Variants in MUC5AC observed in about 807,000 individuals in gnomAD.
The protein encoded by MUC5AC is mucin 5AC, oligomeric mucus/gel-forming.
A neutral mutation model predicts 169.7 loss-of-function variants in MUC5AC; 158 were observed. The observed-to-expected ratio is 0.93, with a 90% CI of 0.82 to 1.06. The LOEUF (loss-of-function observed/expected upper bound fraction) is 1.06. Among genes scored for constraint, MUC5AC ranks in the 50% least tolerant of loss-of-function variants. MUC5AC has a pLI of 0.00. For missense variants in MUC5AC, 4,359 were observed against 3,089.9 expected, an observed-to-expected ratio of 1.41 and a Z score of -9.74; for synonymous variants, 1,975 against 1,237.0, an observed-to-expected ratio of 1.60 and a Z score of -12.52.
In MUC5AC at chr11:1,200,701, G is replaced by A; in HGVS notation, c.16964G>A (p.Ter5655=). The A allele has an allele frequency of 1.4e-6, 1 of 735,938 alleles. No individual in the cohort carries two copies. Among genetic ancestry groups the A allele is most frequent in the East Asian group, 2.5e-5 (1 of 40,656 alleles). The allele number at this position is 735,938 out of a possible 1,614,324, so 45.6% of individuals were successfully genotyped here. A position where few individuals can be genotyped will look rare whatever the true frequency, so the allele number is the denominator to read the frequency against. Residue 5655 remains the stop codon, a stop_retained_variant, in exon 49 of 49, where the codon TGA becomes TAA. Coordinates refer to ENST00000621226, the MANE Select transcript of MUC5AC (RefSeq NM_001304359.2). ...ERGVPVSPMH[*] ...GGCGTCCCAGTGTCCCCCATGCACT[G>A]ACCAGCACTGCCGCCCTCCTGACCT...
chr11:1,175,099 C>T lies in MUC5AC; in HGVS notation c.2310C>T (p.Ile770=). 2.5e-6 allele frequency: 1 copy of T among 399,496 alleles called. No homozygotes were observed. The highest frequency in any genetic ancestry group is 4.4e-6 in the Non-Finnish European group (1 of 226,624). 24.7% of individuals were successfully genotyped at this position (399,496 alleles called of 1,614,324 possible). ...NCPCYHRGSM[I]PNGESVHDSG... is the part of the protein sequence containing the mutation. ...CCTGCTACCACAGAGGCTCCATGAT[C>T]CCCAATGGGGAGTCGGTGCACGACA... Residue 770 remains isoleucine (I), a synonymous_variant, in exon 18 of 49, where the codon ATC becomes ATT. Transcript: ENST00000621226.
intron 1 of MUC5AC, 100 bp downstream of exon 1, chr11:1,158,172 A>G (rs1365128517): frequency 1.2e-5 from 13 of 1,111,170 alleles, no homozygotes; most frequent in Admixed American, 9.3e-5. Flanking sequence ...GGCAGGCTGC[A>G]TGTGCCATGA....
rs892171461 is a variant in MUC5AC at position 1,165,655 on chromosome 11, G to C, written c.1281G>C (p.Glu427Asp). 1 of 1,612,280 alleles carries C rather than the reference G, an allele frequency of 6.2e-7. No homozygotes were observed. The highest frequency in any genetic ancestry group is 8.5e-7 in the Non-Finnish European group (1 of 1,179,770). The change falls in exon 11 of 49, where the codon GAG becomes GAC. Residue 427 changes from glutamate to aspartate, a missense_variant. Coordinates refer to ENST00000621226, the MANE Select transcript of MUC5AC (RefSeq NM_001304359.2). The part of the protein sequence containing the change: ...TCSGGRWSCQ[E>D]VPCPGTCSVL... ...CCGGAGGCCGGTGGAGCTGCCAGGA[G>C]GTTCCATGCCCGGGTACCTGCTCTG...
In MUC5AC at chr11:1,187,393, G is replaced by A. The variant is rs1437243234; in HGVS notation, c.9248G>A (p.Ser3083Asn). ...TTSTTSAPTT[S>N]TTSAATTSTI... Reference sequence around the variant, plus strand: ...AGCACAACCTCTGCTCCTACAACCAGCACAACCTCTGCCGCTACAACCAGC... The same window carrying A: ...AGCACAACCTCTGCTCCTACAACCAACACAACCTCTGCCGCTACAACCAGC... Residue 3083 changes from serine (S) to asparagine (N), a missense_variant, in exon 31 of 49, where the codon AGC becomes AAC. By Grantham distance (46) the Ser-to-Asn change is conservative. Coordinates refer to ENST00000621226, the MANE Select transcript of MUC5AC (RefSeq NM_001304359.2). 2.6e-5 allele frequency: 19 copies of A among 740,056 alleles called. No homozygotes were observed. Among genetic ancestry groups the A allele is most frequent in the South Asian group, 2.1e-4 (15 of 70,944 alleles). 45.8% of individuals were successfully genotyped at this position (740,056 alleles called of 1,614,324 possible). A position where few individuals can be genotyped will look rare whatever the true frequency, so the allele number is the denominator to read the frequency against.
In MUC5AC at chr11:1,187,247, C is replaced by G. The variant is rs1258698418; in HGVS notation, c.9102C>G (p.Thr3034=). The stretch of plus-strand genomic sequence containing the variant: ...CCAGCACAACCTCTGCCCCTACAAC[C>G]AGCACAACCTCTACCCCTACAAGCA... ...PTTSTTSAPT[T]STTSTPTSST... Residue 3034 remains threonine (T), a synonymous_variant, in exon 31 of 49, where the codon ACC becomes ACG. Coordinates refer to ENST00000621226, the MANE Select transcript of MUC5AC (RefSeq NM_001304359.2). The G allele has an allele frequency of 2.3e-5, 16 of 695,572 alleles. No homozygotes were observed. Among genetic ancestry groups the G allele is most frequent in the Non-Finnish European group, 3.9e-5 (15 of 382,090 alleles). 43.1% of individuals were successfully genotyped at this position (695,572 alleles called of 1,614,324 possible).
intron 12 of MUC5AC, 142 bp from the exon 13 acceptor site, chr11:1,168,341 A>G: frequency 1.3e-6 from 1 of 758,006 alleles, no homozygotes; most frequent in East Asian, 2.7e-5. Flanking sequence ...TCAGAAAATC[A>G]GGCGAGCACA....
In MUC5AC at chr11:1,192,360, T is replaced by A. The variant is rs746969015; in HGVS notation, c.14215T>A (p.Tyr4739Asn). ...CTGCCCGGTGACCTCTGTGACCCCA[T>A]ATGGGACTTCTCCTACCAATGCTCT... ...RGCPVTSVTP[Y>N]GTSPTNALYP... The change falls in exon 31 of 49, where the codon TAT becomes AAT. Residue 4739 changes from tyrosine (Y) to asparagine (N), a missense_variant. Transcript: ENST00000621226. The A allele has an allele frequency of 1.0e-5, 8 of 764,946 alleles. No individual in the cohort carries two copies. Among genetic ancestry groups the A allele is most frequent in the African/African-American group, 6.8e-5 (4 of 59,126 alleles). The allele number at this position is 764,946 out of a possible 1,614,324, so 47.4% of individuals were successfully genotyped here. A position where few individuals can be genotyped will look rare whatever the true frequency, so the allele number is the denominator to read the frequency against.
In MUC5AC at chr11:1,176,982, C is replaced by T. The variant is rs36142159; in HGVS notation, c.2709C>T (p.Cys903=). 0.17 allele frequency: 67,863 copies of T among 399,118 alleles called. 6,492 individuals are homozygous for T. The highest frequency in any genetic ancestry group is 0.2 in the Non-Finnish European group (44,191 of 226,490). 24.7% of individuals were successfully genotyped at this position (399,118 alleles called of 1,614,324 possible). Residue 903 remains cysteine, a synonymous_variant, in exon 22 of 49, where the codon TGC becomes TGT. Transcript: ENST00000621226. The part of the protein sequence containing the change: ...RCTDDPCLAT[C]AVYGDGHYLT... ...CAGATGACCCCTGCCTGGCCACCTGCGCCGTGTACGGGGACGGCCACTACC... is the reference window on the plus strand; with the variant it reads ...CAGATGACCCCTGCCTGGCCACCTGTGCCGTGTACGGGGACGGCCACTACC...
Position 1,179,205 on chromosome 11 carries a change from T to G in MUC5AC, c.3441T>G (p.His1147Gln). 8 of 675,484 alleles carry G rather than the reference T, an allele frequency of 1.2e-5. No homozygotes were observed. The Admixed American group carries it at 1.7e-4, about 15-fold the overall frequency. The allele number at this position is 675,484 out of a possible 1,614,324, so 41.8% of individuals were successfully genotyped here. A position where few individuals can be genotyped will look rare whatever the true frequency, so the allele number is the denominator to read the frequency against. The stretch of plus-strand genomic sequence containing the variant: ...TGGCCGCCTACGCCCAGGCCTGCCA[T>G]GAAGTAGGCCTGTGTGTGTCCTGGC... ...TAVAAYAQAC[H>Q]EVGLCVSWRT... The change falls in exon 26 of 49, where the codon CAT (histidine) becomes CAG (glutamine). Residue 1147 changes from histidine to glutamine, a missense_variant. Transcript: ENST00000621226.
At position 1,177,505 on chromosome 11, in the gene MUC5AC, G is replaced by A. The variant is rs1473696262; in HGVS notation, c.2959G>A (p.Glu987Lys). 4 of 398,734 alleles carry A rather than the reference G, an allele frequency of 1.0e-5. No homozygotes were observed. Among genetic ancestry groups the A allele is most frequent in the East Asian group, 3.6e-5 (1 of 28,076 alleles). 24.7% of individuals were successfully genotyped at this position (398,734 alleles called of 1,614,324 possible). ...HGKVEVIGTD[E>K]SQEVPYTIRQ... ...GAAGGTGGAGGTGATCGGGACGGACGAGAGCCAGGAGGTGCCATACACCAT... is the reference window on the plus strand; with the variant it reads ...GAAGGTGGAGGTGATCGGGACGGACAAGAGCCAGGAGGTGCCATACACCAT... Residue 987 changes from glutamate (E) to lysine (K), a missense_variant, in exon 24 of 49, where the codon GAG becomes AAG. Physicochemically the swap from Glu to Lys is moderately conservative, Grantham distance 56 (BLOSUM62 1). Transcript: ENST00000621226.
intron 35 of MUC5AC, 117 bp from the exon 36 acceptor site, chr11:1,194,895 G>A: frequency 1.6e-6 from 1 of 627,120 alleles, no homozygotes; most frequent in African/African-American, 1.8e-5. Flanking sequence ...GCACAGGCAG[G>A]GCCCGCTGCA....
chr11:1,160,554 A>G, intron 1 of MUC5AC, 58 bp from the exon 2 acceptor site: 1 of 1,471,944 alleles, frequency 6.8e-7, no homozygotes, highest in Non-Finnish European at 9.3e-7. Flanking sequence ...CTGTGGCCGC[A>G]GCCTGAGCCC....
Position 1,187,474 on chromosome 11 carries a change from C to T in MUC5AC, c.9329C>T (p.Ser3110Phe). 4.1e-6 allele frequency: 3 copies of T among 733,890 alleles called. No individual in the cohort carries two copies. The South Asian group carries it at 4.3e-5, about 10-fold the overall frequency. 45.5% of individuals were successfully genotyped at this position (733,890 alleles called of 1,614,324 possible). ...TTSAPTTSTT[S>F]ASTASKTSGL... ...TCTGCTCCTACAACCAGCACAACCT[C>T]TGCCTCTACAGCCAGCAAAACCTCT... The change falls in exon 31 of 49, where the codon TCT (serine) becomes TTT (phenylalanine). Residue 3110 changes from serine (S) to phenylalanine (F), a missense_variant. Transcript: ENST00000621226.
At position 1,158,091 on chromosome 11, in the gene MUC5AC, C is replaced by CCGCT. The variant is rs1860012881; in HGVS notation, c.73+21_73+24dup. The CCGCT allele has an allele frequency of 1.3e-6, 2 of 1,584,610 alleles. No homozygotes were observed. The highest frequency in any genetic ancestry group is 2.3e-5 in the South Asian group (2 of 87,450). On this transcript the variant is annotated intron_variant, in intron 1 of 48. Coordinates refer to ENST00000621226, the MANE Select transcript of MUC5AC (RefSeq NM_001304359.2). ...CATACAGGTACGGCTTGGCCCCTGG[C>CCGCT]CGCTCTACTGGTCCTGGGTGGTGCG...
At position 1,199,594 on chromosome 11, in the gene MUC5AC, TG is replaced by T; in HGVS notation, c.16516-97del. 4 of 692,956 alleles carry T rather than the reference TG, an allele frequency of 5.8e-6. No individual in the cohort carries two copies. In the Middle Eastern group the frequency reaches 1.0e-3, roughly 173 times the overall value. The allele number at this position is 692,956 out of a possible 1,614,324, so 42.9% of individuals were successfully genotyped here. ...GCGCCAGCAGACACCCCCTCCTGCT[TG>T]GGGCTGTCCACTCCTGAGCCTGGCC... On this transcript the variant is annotated intron_variant, in intron 46 of 48. Coordinates refer to ENST00000621226, the MANE Select transcript of MUC5AC (RefSeq NM_001304359.2).
rs979613999 is a variant in MUC5AC, at chr11:1,175,044, C to A, written c.2255C>A (p.Thr752Lys). The A allele has an allele frequency of 2.5e-6, 1 of 401,156 alleles. No individual in the cohort carries two copies. Among genetic ancestry groups the A allele is most frequent in the Non-Finnish European group, 4.4e-6 (1 of 227,650 alleles). The allele number at this position is 401,156 out of a possible 1,614,324, so 24.8% of individuals were successfully genotyped here. The change falls in exon 18 of 49, where the codon ACG becomes AAG. Residue 752 changes from threonine (T) to lysine (K), a missense_variant. Physicochemically the swap from Thr to Lys is moderately conservative, Grantham distance 78 (BLOSUM62 -1). Transcript: ENST00000621226. ...CCCAAGGGCACCTTCCTGGACGACA[C>A]GGGCAAGTGTGTGCAGGCCAGCAAC... Reference protein sequence around the residue: ...ICPKGTFLDDTGKCVQASNCP... With the variant: ...ICPKGTFLDDKGKCVQASNCP...
In MUC5AC at chr11:1,179,246, G is replaced by T; in HGVS notation, c.3482G>T (p.Cys1161Phe). ...LCVSWRTPSICPLFCDYYNPE... is the reference protein window; with the variant it reads ...LCVSWRTPSIFPLFCDYYNPE... ...GTGTCCTGGCGGACCCCGAGCATCT[G>T]CCGTGAGTGCGAGTGGGCACCTGGG... Residue 1161 changes from cysteine (C) to phenylalanine (F), a missense_variant and splice_region_variant, in exon 26 of 49, where the codon TGC becomes TTC. Coordinates refer to ENST00000621226, the MANE Select transcript of MUC5AC (RefSeq NM_001304359.2). 1 of 580,362 alleles carries T rather than the reference G, an allele frequency of 1.7e-6. No homozygotes were observed. The highest frequency in any genetic ancestry group is 3.1e-6 in the Non-Finnish European group (1 of 320,670). 36.0% of individuals were successfully genotyped at this position (580,362 alleles called of 1,614,324 possible).
In MUC5AC at chr11:1,168,701, C is replaced by T. The variant is rs776031159; in HGVS notation, c.1627C>T (p.Leu543=). The T allele has an allele frequency of 6.2e-7, 1 of 1,610,892 alleles. No individual in the cohort carries two copies. Among genetic ancestry groups the T allele is most frequent in the East Asian group, 2.2e-5 (1 of 44,798 alleles). The change falls in exon 14 of 49, where the codon CTG becomes TTG. Residue 543 remains leucine (L), a synonymous_variant. Coordinates refer to ENST00000621226, the MANE Select transcript of MUC5AC (RefSeq NM_001304359.2). ...FFIIAQTSLG[L]QLNLQLVPTM... is the part of the protein sequence containing the mutation. ...CATCATCGCCCAGACCAGCCTGGGC[C>T]TGCAGCTGAACCTGCAGCTGGTGCC... is the stretch of plus-strand genomic sequence containing the variant.
rs1590145553 is a variant in MUC5AC, at chr11:1,185,739, C to T, written c.7594C>T (p.Pro2532Ser). Residue 2532 changes from proline to serine, a missense_variant, in exon 31 of 49, where the codon CCC (proline) becomes TCC (serine). Pro to Ser is a moderately conservative substitution (Grantham distance 74, BLOSUM62 -1). Coordinates refer to ENST00000621226, the MANE Select transcript of MUC5AC (RefSeq NM_001304359.2). ...CACAACCTCTGGTGCTGGAACTACT[C>T]CCAGCCCTGTTCCCACCACCAGCAC... Reference protein sequence around the residue: ...TSTTSGAGTTPSPVPTTSTTS... With the variant: ...TSTTSGAGTTSSPVPTTSTTS... 8 of 736,770 alleles carry T rather than the reference C, an allele frequency of 1.1e-5. No homozygotes were observed. The East Asian group carries it at 1.7e-4, about 16-fold the overall frequency. 45.6% of individuals were successfully genotyped at this position (736,770 alleles called of 1,614,324 possible). A position where few individuals can be genotyped will look rare whatever the true frequency, so the allele number is the denominator to read the frequency against.
Sources: allele counts gnomAD v4.1 joint callset, GRCh38; gene constraint gnomAD v4.1.1; transcripts MANE v1.5; gene names NCBI Gene and HGNC (gene_info 2026-07-23, HGNC 2026-07-21).